SLMAP: variants seen among roughly 807,000 people sequenced by gnomAD.
SLMAP encodes sarcolemmal membrane-associated protein.
SLMAP carries 44 observed loss-of-function variants against 128.8 expected under a neutral mutation model. The observed-to-expected ratio is 0.34, with a 90% CI of 0.27 to 0.44. The LOEUF is 0.44. Among genes scored for constraint, SLMAP ranks in the 20% least tolerant of loss-of-function variants. SLMAP has a pLI of 1.00. For synonymous variants in SLMAP, 327 were observed against 348.8 expected, an observed-to-expected ratio of 0.94 and a Z score of 0.70; for missense variants, 787 against 985.3, an observed-to-expected ratio of 0.80 and a Z score of 2.69.
At chr3:57,762,927 T>C in intron 2 of SLMAP, among the ~76,000 whole-genome samples, 1 of 151,988 alleles carries the variant, frequency 6.6e-6, no homozygotes, top group East Asian at 1.9e-4. Flanking sequence ...GTTTCACCAT[T>C]TGGCCACGCT....
intron 2 of SLMAP, among the ~76,000 whole-genome samples, chr3:57,779,359 A>C (rs1157210559): frequency 1.3e-5 from 2 of 151,994 alleles, no homozygotes; most frequent in African/African-American, 4.8e-5. Flanking sequence ...TATACAAAAA[A>C]TTAGCCAAGC....
At chr3:57,861,130 G>C (rs1177997570) in intron 9 of SLMAP, among the ~76,000 whole-genome samples, 1 of 152,218 alleles carries the variant, frequency 6.6e-6, no homozygotes, top group South Asian at 2.1e-4. Flanking sequence ...TATGTGCTGG[G>C]GAATTGATTT....
chr3:57,851,274 G>C (rs377103234), intron 6 of SLMAP, among the ~76,000 whole-genome samples: 8 of 151,846 alleles, frequency 5.3e-5, no homozygotes, highest in East Asian at 3.9e-4. Flanking sequence ...TCTTGGTGTA[G>C]AGCAGATACT....
At chr3:57,869,630 T>TTATTTATATATATATATATATA (rs1553900189) in intron 13 of SLMAP, among the ~76,000 whole-genome samples, 1 of 75,474 alleles carries the variant, frequency 1.3e-5, no homozygotes, top group African/African-American at 5.0e-5. Context: ...CCCATCTCTA[T>TTATTTATATATATATATATATA]TATATATATA....
chr3:57,848,188 C>T (rs761579436), intron 5 of SLMAP, among the ~76,000 whole-genome samples: 6 of 151,454 alleles, frequency 4.0e-5, no homozygotes, highest in Non-Finnish European at 7.4e-5. Flanking sequence ...TCCTCCTCCT[C>T]CTCCTCCTCT....
intron 22 of SLMAP, among the ~76,000 whole-genome samples, chr3:57,921,524 G>T (rs1416359684): frequency 6.6e-6 from 1 of 151,946 alleles, no homozygotes; most frequent in African/African-American, 2.4e-5. Context: ...TACTCAGGAG[G>T]CTGAAGCAGG....
At chr3:57,838,258 A>G (rs2093734280) in intron 3 of SLMAP, among the ~76,000 whole-genome samples, 1 of 152,230 alleles carries the variant, frequency 6.6e-6, no homozygotes, top group Admixed American at 6.5e-5. Flanking sequence ...TTTATAGTGA[A>G]TGTCTTGAGG....
At chr3:57,767,181 A>G (rs2079913084) in intron 2 of SLMAP, among the ~76,000 whole-genome samples, 1 of 152,130 alleles carries the variant, frequency 6.6e-6, no homozygotes, top group African/African-American at 2.4e-5. Context: ...AGCCTCCCAA[A>G]GTGCTGGGAT....
chr3:57,819,504 A>G (rs537655390), intron 2 of SLMAP, among the ~76,000 whole-genome samples: 2 of 152,260 alleles, frequency 1.3e-5, no homozygotes, highest in African/African-American at 4.8e-5. Context: ...AATAAGATGC[A>G]TAGTCCTATG....
intron 2 of SLMAP, among the ~76,000 whole-genome samples, chr3:57,811,915 T>C (rs918474392): frequency 2.0e-5 from 3 of 152,198 alleles, no homozygotes; most frequent in African/African-American, 7.2e-5. Context: ...CATTTTTGAA[T>C]TGGGTTCTTT....
intron 2 of SLMAP, among the ~76,000 whole-genome samples, chr3:57,796,401 C>T (rs957231047): frequency 2.6e-5 from 4 of 151,822 alleles, no homozygotes; most frequent in South Asian, 4.2e-4. Context: ...GAGCATGGAT[C>T]GTGGAGCCTG....
At position 57,764,710 on chromosome 3, in the gene SLMAP, A is replaced by G. The variant is rs562227070; in HGVS notation, c.198+6861A>G. Among the ~76,000 whole-genome samples the G allele has an allele frequency of 2.0e-5, 3 of 152,204 alleles. No individual in the cohort carries two copies. The South Asian group carries it at 6.2e-4, about 32-fold the overall frequency. ...TGAGGTGCTTGTTTTTTCTGCATTGACCTGTGAGGAAATTGAGGCACAGAG... is the reference window on the plus strand; with the variant it reads ...TGAGGTGCTTGTTTTTTCTGCATTGGCCTGTGAGGAAATTGAGGCACAGAG... On this transcript the variant is annotated intron_variant, in intron 2 of 24. Coordinates refer to ENST00000671191, the MANE Select transcript of SLMAP (RefSeq NM_001377540.1).
At chr3:57,872,161 G>T (rs991503289) in intron 14 of SLMAP, among the ~76,000 whole-genome samples, 2 of 152,190 alleles carry the variant, frequency 1.3e-5, no homozygotes, top group African/African-American at 4.8e-5. Context: ...AAGAGGCCAG[G>T]CGTGGTGGCG....
chr3:57,883,622 T>C (rs1219300194), intron 14 of SLMAP, among the ~76,000 whole-genome samples: 29 of 152,172 alleles, frequency 1.9e-4, no homozygotes, highest in Non-Finnish European at 1.5e-5. Flanking sequence ...AGTAAAATAT[T>C]ATAAAAAGCA....
At chr3:57,844,695 T>C (rs920945424) in intron 4 of SLMAP, among the ~76,000 whole-genome samples, 1 of 149,972 alleles carries the variant, frequency 6.7e-6, no homozygotes, top group Admixed American at 6.8e-5. Flanking sequence ...TATTATACCA[T>C]TTGTTTCTAT....
chr3:57,874,276 A>G (rs2095551905), intron 14 of SLMAP, among the ~76,000 whole-genome samples: 1 of 152,214 alleles, frequency 6.6e-6, no homozygotes, highest in African/African-American at 2.4e-5. Context: ...TAGGCAACAG[A>G]GCAAATCCCC....
chr3:57,828,567 C>T (rs2093091247), intron 2 of SLMAP, among the ~76,000 whole-genome samples: 2 of 151,936 alleles, frequency 1.3e-5, no homozygotes, highest in South Asian at 4.2e-4. Flanking sequence ...TGTGAGGGAA[C>T]CAGGACCAGA....
chr3:57,763,208 C>T lies in SLMAP; in HGVS notation c.198+5359C>T, dbSNP rs146957274. Among the ~76,000 whole-genome samples, 164 of 151,864 alleles carry T rather than the reference C, an allele frequency of 1.1e-3. 1 individual carries two copies. Among genetic ancestry groups the T allele is most frequent in the African/African-American group, 3.7e-3 (155 of 41,404 alleles). ...ACATAGTAGTCTATTTCCAGTTTCACTGAAGTTTACTTACTAGTGGTAGTA... is the reference window on the plus strand; with the variant it reads ...ACATAGTAGTCTATTTCCAGTTTCATTGAAGTTTACTTACTAGTGGTAGTA... On this transcript the variant is annotated intron_variant, in intron 2 of 24. Coordinates refer to ENST00000671191, the MANE Select transcript of SLMAP (RefSeq NM_001377540.1).
intron 2 of SLMAP, among the ~76,000 whole-genome samples, chr3:57,799,752 T>C (rs775458545): frequency 8.9e-4 from 135 of 152,326 alleles, no homozygotes; most frequent in Non-Finnish European, 1.7e-3. Context: ...TAAATTTTTT[T>C]CCCAACTTTT....
Sources: gnomAD v4.1 joint callset for allele counts (sites outside exome capture counted in the v4.1 genomes callset) on GRCh38, gnomAD v4.1.1 for gene constraint, MANE v1.5 for transcripts, NCBI Gene and HGNC (gene_info 2026-07-23, HGNC 2026-07-21) for gene names.